Variants in GPC5 observed in about 807,000 individuals in gnomAD.
The protein encoded by GPC5 is glypican-5.
Under a neutral mutation model 53.9 loss-of-function variants are expected in GPC5, and 47 were observed. That is an observed-to-expected ratio of 0.87 (90% CI 0.69 to 1.11). The LOEUF (loss-of-function observed/expected upper bound fraction) is 1.11. Among genes scored for constraint, GPC5 ranks in the 50% most tolerant of loss-of-function variants. The pLI, the probability that GPC5 is intolerant of heterozygous loss-of-function variation, is 0.00. For synonymous variants in GPC5, 286 were observed against 263.3 expected (o/e 1.09, Z -0.84); for missense variants, 748 against 713.1 (o/e 1.05, Z -0.56).
chr13:92,740,469 G>C (rs541001125), intron 7 of GPC5, among the ~76,000 whole-genome samples: 8 of 152,182 alleles, frequency 5.3e-5, no homozygotes, highest in African/African-American at 1.9e-4. Flanking sequence ...TTGTGAAATA[G>C]AGCCTAACAT....
chr13:91,764,436 GAAACATTA>G (rs1299495703), intron 5 of GPC5, among the ~76,000 whole-genome samples: 1 of 152,134 alleles, frequency 6.6e-6, no homozygotes, highest in Non-Finnish European at 1.5e-5. Flanking sequence ...GGTCTGAGTA[GAAACATTA>G]AATCCTCTAG....
intron 3 of GPC5, among the ~76,000 whole-genome samples, chr13:91,714,455 C>T (rs909375012): frequency 5.3e-5 from 8 of 152,138 alleles, no homozygotes; most frequent in African/African-American, 9.6e-5. Flanking sequence ...ATTTTGATGT[C>T]GTATTATGAG....
intron 6 of GPC5, among the ~76,000 whole-genome samples, chr13:91,939,885 A>G (rs1417019936): frequency 1.3e-5 from 2 of 152,122 alleles, no homozygotes; most frequent in African/African-American, 4.8e-5. Context: ...ATATAGTCCA[A>G]ACTTTTCTAT....
intron 7 of GPC5, among the ~76,000 whole-genome samples, chr13:92,499,076 G>A (rs1880090231): frequency 6.6e-6 from 1 of 152,022 alleles, no homozygotes; most frequent in Non-Finnish European, 1.5e-5. Context: ...GAAAAATAGA[G>A]AGGATCCTGG....
At chr13:91,479,113 G>A (rs1270394007) in intron 2 of GPC5, among the ~76,000 whole-genome samples, 6 of 151,174 alleles carry the variant, frequency 4.0e-5, no homozygotes, top group Non-Finnish European at 5.9e-5. Flanking sequence ...GGGTTTCACC[G>A]TGTTGCCCAG....
chr13:91,917,436 C>T (rs972250509), intron 6 of GPC5, among the ~76,000 whole-genome samples: 1 of 152,154 alleles, frequency 6.6e-6, no homozygotes. Context: ...TGAGTGCCTT[C>T]ACCTTCTTCA....
At chr13:91,424,892 AG>A (rs929675277) in intron 1 of GPC5, among the ~76,000 whole-genome samples, 2 of 152,298 alleles carry the variant, frequency 1.3e-5, no homozygotes, top group South Asian at 2.1e-4. Flanking sequence ...GGACAAGCAA[AG>A]GTACTAATTA....
intron 7 of GPC5, among the ~76,000 whole-genome samples, chr13:92,486,856 C>A (rs1879573475): frequency 9.0e-6 from 1 of 111,334 alleles, no homozygotes; most frequent in Non-Finnish European, 1.9e-5. Flanking sequence ...ACACAGGGGA[C>A]AGGGATTTTT....
chr13:92,555,208 A>T (rs1882453056), intron 7 of GPC5, among the ~76,000 whole-genome samples: 2 of 151,478 alleles, frequency 1.3e-5, no homozygotes, highest in African/African-American at 4.8e-5. Flanking sequence ...CCAAATTCTC[A>T]CTATGAACAT....
At chr13:91,458,296 C>T (rs540754881) in intron 2 of GPC5, among the ~76,000 whole-genome samples, 2 of 152,066 alleles carry the variant, frequency 1.3e-5, no homozygotes, top group East Asian at 3.9e-4. Context: ...TCGTCTGGGG[C>T]CTGTTAGGCA....
chr13:92,091,237 C>T (rs2041378008), intron 6 of GPC5, among the ~76,000 whole-genome samples: 1 of 152,036 alleles, frequency 6.6e-6, no homozygotes, highest in Admixed American at 6.6e-5. Context: ...ATAATAACAA[C>T]AAACTAAAAC....
At chr13:92,192,227 A>G (rs1227097306) in intron 7 of GPC5, among the ~76,000 whole-genome samples, 3 of 152,182 alleles carry the variant, frequency 2.0e-5, no homozygotes, top group Non-Finnish European at 2.9e-5. Context: ...CCTAATGTCA[A>G]TTGATACTTT....
At chr13:92,813,529 A>C (rs570905220) in intron 7 of GPC5, among the ~76,000 whole-genome samples, 1 of 152,140 alleles carries the variant, frequency 6.6e-6, no homozygotes, top group African/African-American at 2.4e-5. Context: ...TACATGTGTT[A>C]GATTTATTTT....
intron 2 of GPC5, among the ~76,000 whole-genome samples, chr13:91,603,736 G>A (rs561562204): frequency 1.3e-5 from 2 of 152,036 alleles, no homozygotes; most frequent in Non-Finnish European, 2.9e-5. Context: ...TTTTCAAAAA[G>A]TATTTAATGA....
At chr13:92,844,180 CAG>C (rs907281684) in intron 7 of GPC5, among the ~76,000 whole-genome samples, 4 of 151,996 alleles carry the variant, frequency 2.6e-5, no homozygotes, top group African/African-American at 9.7e-5. Context: ...TTGTTTTTAA[CAG>C]AGACTCCATT....
intron 7 of GPC5, among the ~76,000 whole-genome samples, chr13:92,787,224 A>G (rs900318460): frequency 6.6e-6 from 1 of 152,120 alleles, no homozygotes; most frequent in Admixed American, 6.6e-5. Flanking sequence ...ATAAAAAATA[A>G]ATTCCCTGCC....
intron 5 of GPC5, among the ~76,000 whole-genome samples, chr13:91,885,238 C>G (rs958954875): frequency 1.3e-5 from 2 of 152,052 alleles, no homozygotes; most frequent in South Asian, 2.1e-4. Context: ...GTAAAGGCAA[C>G]CTGATACTGA....
At chr13:91,444,682 G>A (rs777256735) in intron 1 of GPC5, among the ~76,000 whole-genome samples, 1 of 152,076 alleles carries the variant, frequency 6.6e-6, no homozygotes, top group Non-Finnish European at 1.5e-5. Context: ...GTTGAATTTT[G>A]ATTTCACTTA....
chr13:92,274,354 C>T (rs966997593), intron 7 of GPC5, among the ~76,000 whole-genome samples: 1 of 152,116 alleles, frequency 6.6e-6, no homozygotes, highest in Non-Finnish European at 1.5e-5. Context: ...CTCACCTTCT[C>T]ACCTCTGTGT....
Sources: gnomAD v4.1 joint callset for allele counts (sites outside exome capture counted in the v4.1 genomes callset) on GRCh38, gnomAD v4.1.1 for gene constraint, MANE v1.5 for transcripts, NCBI Gene and HGNC (gene_info 2026-07-23, HGNC 2026-07-21) for gene names.